ANXA8: variants seen among roughly 807,000 people sequenced by gnomAD.
The protein encoded by ANXA8 is annexin A8.
A neutral mutation model predicts 26.8 loss-of-function variants in ANXA8; 9 were observed. That is an observed-to-expected ratio of 0.34 (90% CI 0.20 to 0.59). ANXA8 has a LOEUF of 0.59. Among genes scored for constraint, ANXA8 ranks in the 20% least tolerant of loss-of-function variants. The probability of loss-of-function intolerance (pLI) is 0.84; values close to 1 mark genes in which losing one functional copy is unlikely to be tolerated. For synonymous variants in ANXA8, 39 were observed against 94.8 expected (o/e 0.41, Z 3.42); for missense variants, 83 against 238.5 (o/e 0.35, Z 4.29).
chr10:47,940,635 C>T, the ANXA8 span, among the ~76,000 whole-genome samples: 2 of 147,814 alleles, frequency 1.4e-5, no homozygotes, highest in Non-Finnish European at 3.0e-5. Context: ...CAAGACCTGC[C>T]TGGCCAACAT....
chr10:47,907,141 G>A, the ANXA8 span, among the ~76,000 whole-genome samples: 5 of 151,952 alleles, frequency 3.3e-5, no homozygotes, highest in Admixed American at 2.6e-4. Flanking sequence ...GGATCACGAG[G>A]TCAGGAGATC....
the ANXA8 span, among the ~76,000 whole-genome samples, chr10:47,528,281 G>T: frequency 7.1e-6 from 1 of 141,554 alleles, no homozygotes; most frequent in South Asian, 2.3e-4. Flanking sequence ...GGGTTTCAAC[G>T]TGTTAGCCAG....
the ANXA8 span, among the ~76,000 whole-genome samples, chr10:47,770,096 AAGG>A: frequency 6.7e-6 from 1 of 148,188 alleles, no homozygotes; most frequent in East Asian, 2.0e-4. Context: ...TCATTACTAA[AAGG>A]AGGCACCAAG....
the ANXA8 span, among the ~76,000 whole-genome samples, chr10:47,687,461 C>T: frequency 2.0e-5 from 3 of 151,492 alleles, no homozygotes; most frequent in African/African-American, 4.9e-5. Flanking sequence ...GATGAAGTTT[C>T]GCCATGTTGG....
the ANXA8 span, among the ~76,000 whole-genome samples, chr10:47,660,771 T>G: frequency 6.7e-6 from 1 of 149,018 alleles, no homozygotes; most frequent in African/African-American, 2.5e-5. Flanking sequence ...TGGCGTGGCT[T>G]TTTTTTTTTT....
the ANXA8 span, among the ~76,000 whole-genome samples, chr10:47,549,755 C>T: frequency 7.0e-6 from 1 of 143,220 alleles, no homozygotes; most frequent in Non-Finnish European, 1.5e-5. Flanking sequence ...AAACATAATG[C>T]AACAGAATAT....
chr10:47,490,112 G>A, the ANXA8 span, among the ~76,000 whole-genome samples: 7 of 150,896 alleles, frequency 4.6e-5, no homozygotes, highest in African/African-American at 4.9e-5. Context: ...ATGTGCTAGC[G>A]CCTGCCTCAG....
At chr10:47,526,372 T>C in the ANXA8 span, among the ~76,000 whole-genome samples, 3 of 136,556 alleles carry the variant, frequency 2.2e-5, no homozygotes, top group Non-Finnish European at 4.6e-5. Flanking sequence ...CCCAAAGTGC[T>C]GGGATTGCAG....
chr10:47,644,216 C>G, the ANXA8 span, among the ~76,000 whole-genome samples: 2 of 147,502 alleles, frequency 1.4e-5, no homozygotes, highest in Non-Finnish European at 3.0e-5. Context: ...GATACTCTAC[C>G]TGGAGAAAAA....
the ANXA8 span, among the ~76,000 whole-genome samples, chr10:47,703,207 G>A: frequency 6.6e-6 from 1 of 151,754 alleles, no homozygotes; most frequent in Non-Finnish European, 1.5e-5. Context: ...ACTAACCAGA[G>A]GGGAAGAGAG....
At chr10:47,549,238 G>A in the ANXA8 span, 58 of 1,377,584 alleles carry the variant, frequency 4.2e-5, 1 homozygote, top group African/African-American at 4.4e-4. Context: ...CCTTCATCAC[G>A]GGGTAAATAA....
chr10:47,973,921 GT>G, the ANXA8 span, among the ~76,000 whole-genome samples: 2 of 151,062 alleles, frequency 1.3e-5, no homozygotes, highest in Non-Finnish European at 3.0e-5. Flanking sequence ...TCGTTGGTAG[GT>G]TTTTTATTAT....
chr10:47,618,263 T>A, the ANXA8 span, among the ~76,000 whole-genome samples: 482 of 108,894 alleles, frequency 4.4e-3, 24 homozygotes, highest in Non-Finnish European at 7.7e-3. Context: ...TTTTCAAATA[T>A]TTTTCAAAAC....
At chr10:47,682,515 G>A in the ANXA8 span, among the ~76,000 whole-genome samples, 2 of 148,418 alleles carry the variant, frequency 1.3e-5, no homozygotes, top group Non-Finnish European at 3.0e-5. Context: ...TGTCGCCCAG[G>A]CTGGAGTACA....
At chr10:47,953,369 T>C in the ANXA8 span, among the ~76,000 whole-genome samples, 2 of 150,430 alleles carry the variant, frequency 1.3e-5, no homozygotes, top group African/African-American at 4.9e-5. Flanking sequence ...CAGGGAAATG[T>C]GACGACCCCT....
At chr10:47,743,309 T>C in the ANXA8 span, among the ~76,000 whole-genome samples, 31 of 30,820 alleles carry the variant, frequency 1.0e-3, 1 homozygote, top group East Asian at 3.2e-3. Context: ...TATATATATA[T>C]ATACACATAT....
chr10:47,626,478 T>C, the ANXA8 span, among the ~76,000 whole-genome samples: 1 of 150,140 alleles, frequency 6.7e-6, no homozygotes, highest in Non-Finnish European at 1.5e-5. Flanking sequence ...CTAATTATAA[T>C]ATTTAATTGA....
At chr10:47,644,932 C>T in the ANXA8 span, among the ~76,000 whole-genome samples, 2 of 151,394 alleles carry the variant, frequency 1.3e-5, no homozygotes, top group African/African-American at 4.9e-5. Flanking sequence ...CAAATTATTC[C>T]ATTACCTAAT....
chr10:47,704,879 C>T, the ANXA8 span, among the ~76,000 whole-genome samples: 1 of 150,390 alleles, frequency 6.6e-6, no homozygotes, highest in Non-Finnish European at 1.5e-5. Flanking sequence ...ATGAAATAAA[C>T]ATACTTTATT....
Sources: allele counts gnomAD v4.1 joint callset (sites outside exome capture counted in the v4.1 genomes callset), GRCh38; gene constraint gnomAD v4.1.1; transcripts MANE v1.5; gene names NCBI Gene and HGNC (gene_info 2026-07-23, HGNC 2026-07-21).